Variants in RAB3GAP2 observed in about 807,000 individuals in gnomAD.
The protein encoded by RAB3GAP2 is RAB3 GTPase activating non-catalytic protein subunit 2, also known as rab3 GTPase-activating protein non-catalytic subunit.
Under a neutral mutation model 185.3 loss-of-function variants are expected in RAB3GAP2, and 87 were observed. The ratio of observed to expected loss-of-function variants is 0.47; its 90% CI spans 0.39 to 0.56. The LOEUF (loss-of-function observed/expected upper bound fraction) is 0.56, where lower values mean the gene tolerates loss of function less well. Among genes scored for constraint, RAB3GAP2 ranks in the 20% least tolerant of loss-of-function variants. The probability of loss-of-function intolerance (pLI) is 0.00; values close to 1 mark genes in which losing one functional copy is unlikely to be tolerated. For missense variants in RAB3GAP2, 1,492 were observed against 1,638.2 expected (o/e 0.91, Z 1.54); for synonymous variants, 554 against 576.1 (o/e 0.96, Z 0.55).
chr1:220,161,510 A>G (rs1230275660), intron 28 of RAB3GAP2, among the ~76,000 whole-genome samples: 4 of 152,210 alleles, frequency 2.6e-5, no homozygotes, highest in Non-Finnish European at 1.5e-5. Context: ...CCACCAGTTG[A>G]GTTCTATGCT....
chr1:220,253,517 G>A, intron 1 of RAB3GAP2: 2 of 1,542,538 alleles, frequency 1.3e-6, no homozygotes, highest in Non-Finnish European at 1.8e-6. Context: ...TAGAGAGTAG[G>A]GGGCGGTAGT....
At chr1:220,183,501 C>A (rs1303594251) in intron 19 of RAB3GAP2, among the ~76,000 whole-genome samples, 1 of 152,020 alleles carries the variant, frequency 6.6e-6, no homozygotes, top group Admixed American at 6.6e-5. Context: ...GATCCTCGCA[C>A]CTCAGCTTCC....
At chr1:220,257,234 C>T (rs760040730) in intron 1 of RAB3GAP2, among the ~76,000 whole-genome samples, 15 of 151,856 alleles carry the variant, frequency 9.9e-5, no homozygotes, top group Middle Eastern at 3.4e-3. Context: ...AAAAATTAGC[C>T]GGGCGTGGTG....
At chr1:220,249,563 G>A (rs1415755660) in intron 1 of RAB3GAP2, among the ~76,000 whole-genome samples, 3 of 152,202 alleles carry the variant, frequency 2.0e-5, no homozygotes, top group African/African-American at 7.2e-5. Context: ...AATTCAAGCA[G>A]GCTGCAGAAA....
In RAB3GAP2 at chr1:220,205,941, T is replaced by C. The variant is rs770815670; in HGVS notation, c.678A>G (p.Gln226=). 3 of 1,610,818 alleles carry C rather than the reference T, an allele frequency of 1.9e-6. No individual in the cohort carries two copies. Among genetic ancestry groups the C allele is most frequent in the Admixed American group, 1.7e-5 (1 of 59,964 alleles). ...CCTGATTTCGACAAGCACGAAGAGA[T>C]TGAAAAAGGCTAAATCCATCAATAG... ...IVTIDGFSLF[Q]SLRACRNQVA... The change falls in exon 8 of 35, where the codon CAA becomes CAG. Residue 226 remains glutamine, a synonymous_variant. Transcript: ENST00000358951.
chr1:220,240,389 C>CT (rs960746164), intron 1 of RAB3GAP2, among the ~76,000 whole-genome samples: 3 of 152,022 alleles, frequency 2.0e-5, no homozygotes, highest in African/African-American at 4.8e-5. Context: ...AATCTTTAAT[C>CT]TTTTTTTTCC....
At chr1:220,263,795 C>T (rs370293452) in intron 1 of RAB3GAP2, among the ~76,000 whole-genome samples, 25 of 151,906 alleles carry the variant, frequency 1.6e-4, no homozygotes, top group South Asian at 6.2e-4. Context: ...TTCTTATGTA[C>T]GCTATTATGC....
chr1:220,269,896 G>A (rs956231497), intron 1 of RAB3GAP2, among the ~76,000 whole-genome samples: 1 of 152,182 alleles, frequency 6.6e-6, no homozygotes, highest in Admixed American at 6.5e-5. Context: ...GAGAGTGGTA[G>A]AAGGATAAAG....
At chr1:220,267,665 T>G (rs1571938651) in intron 1 of RAB3GAP2, 1 of 1,507,552 alleles carries the variant, frequency 6.6e-7, no homozygotes, top group Middle Eastern at 1.7e-4. Flanking sequence ...CAGGATGAGG[T>G]ACACTGGTTG....
At chr1:220,157,638 A>C (rs1323062991) in intron 30 of RAB3GAP2, 150 bp from the exon 31 acceptor site, 5 of 1,075,330 alleles carry the variant, frequency 4.6e-6, no homozygotes, top group Admixed American at 4.6e-5. Context: ...AATTTCAATA[A>C]GAATTTAATA....
intron 1 of RAB3GAP2, among the ~76,000 whole-genome samples, chr1:220,242,314 G>T (rs888327280): frequency 1.3e-5 from 2 of 152,050 alleles, no homozygotes; most frequent in African/African-American, 4.8e-5. Flanking sequence ...ACATTTGTTC[G>T]TTATTAAGTT....
intron 1 of RAB3GAP2, among the ~76,000 whole-genome samples, chr1:220,250,954 A>G (rs1659920840): frequency 6.6e-6 from 1 of 152,172 alleles, no homozygotes; most frequent in Non-Finnish European, 1.5e-5. Flanking sequence ...TACCAGTCTC[A>G]GGTTATTTCC....
At position 220,149,465 on chromosome 1, in the gene RAB3GAP2, T is replaced by TC. The variant is rs1657701125; in HGVS notation, c.*1785dup. 1 of 152,180 alleles carries TC rather than the reference T, an allele frequency of 6.6e-6. No individual in the cohort carries two copies. The highest frequency in any genetic ancestry group is 2.1e-4 in the South Asian group (1 of 4,828). The allele number at this position is 152,180 out of a possible 1,614,324, so 9.4% of individuals were successfully genotyped here. A position where few individuals can be genotyped will look rare whatever the true frequency, so the allele number is the denominator to read the frequency against. On this transcript the variant is annotated 3_prime_UTR_variant, in exon 35 of 35. Transcript: ENST00000358951. ...TTTATTCTTTAAAAATACCTATAACTCCAAGTTTCTTTGACTAGCCTCCTT... is the reference window on the plus strand; with the variant it reads ...TTTATTCTTTAAAAATACCTATAACTCCCAAGTTTCTTTGACTAGCCTCCTT...
intron 1 of RAB3GAP2, among the ~76,000 whole-genome samples, chr1:220,255,394 C>A (rs1351971295): frequency 6.6e-6 from 1 of 152,118 alleles, no homozygotes; most frequent in Non-Finnish European, 1.5e-5. Context: ...CTGCAACACC[C>A]CTCCAGCAAG....
intron 24 of RAB3GAP2, among the ~76,000 whole-genome samples, chr1:220,170,077 T>C (rs1658145187): frequency 6.6e-6 from 1 of 152,136 alleles, no homozygotes; most frequent in Non-Finnish European, 1.5e-5. Context: ...CACAAAGGAA[T>C]ACTATGCAGC....
intron 9 of RAB3GAP2, among the ~76,000 whole-genome samples, chr1:220,201,895 C>T (rs552385208): frequency 4.6e-5 from 7 of 151,968 alleles, no homozygotes; most frequent in East Asian, 1.9e-4. Flanking sequence ...AAATTTTGGC[C>T]GGGTGCAGTG....
At position 220,179,870 on chromosome 1, in the gene RAB3GAP2, A is replaced by C. The variant is rs114623119; in HGVS notation, c.2310+2387T>G. Among the ~76,000 whole-genome samples, 1,231 of 152,322 alleles carry C rather than the reference A, an allele frequency of 8.1e-3. 11 individuals carry two copies. Among genetic ancestry groups the C allele is most frequent in the Non-Finnish European group, 0.011 (760 of 68,026 alleles). ...AATGGGATGCAGCAAAAGGAGTGCT[A>C]AGAGGGAAGTCGGCCGGGTGCGGTG... is the stretch of plus-strand genomic sequence containing the variant. On this transcript the variant is annotated intron_variant, in intron 21 of 34. Transcript: ENST00000358951.
chr1:220,205,156 GTATCTT>G lies in RAB3GAP2; in HGVS notation c.712+745_712+750del, dbSNP rs751052041. 6.6e-3 allele frequency among the ~76,000 whole-genome samples: 1,011 copies of G among 152,222 alleles called. 5 individuals are homozygous for G. The highest frequency in any genetic ancestry group is 8.8e-3 in the Admixed American group (134 of 15,284). On this transcript the variant is annotated intron_variant, in intron 8 of 34. Transcript: ENST00000358951. ...TCTTAGTGGTACATAAAACAATAGT[GTATCTT>G]ACAATCAATGGCATGTTGAATTTGA...
At chr1:220,271,515 G>C (rs745335002) in intron 1 of RAB3GAP2, among the ~76,000 whole-genome samples, 2 of 152,148 alleles carry the variant, frequency 1.3e-5, no homozygotes, top group African/African-American at 2.4e-5. Flanking sequence ...TAGGTGGAAG[G>C]CTTCAATAAA....
Sources: gnomAD v4.1 joint callset for allele counts (sites outside exome capture counted in the v4.1 genomes callset) on GRCh38, gnomAD v4.1.1 for gene constraint, MANE v1.5 for transcripts, NCBI Gene and HGNC (gene_info 2026-07-23, HGNC 2026-07-21) for gene names.